The following NSMCE1 variants were observed in gnomAD, a reference collection of about 807,000 sequenced individuals.
The protein encoded by NSMCE1 is NSE1 component of SMC5/6 complex.
Under a neutral mutation model 29.6 loss-of-function variants are expected in NSMCE1, and 18 were observed. The observed-to-expected ratio is 0.61, with a 90% CI of 0.42 to 0.90. The LOEUF is 0.90. Ranked by LOEUF, NSMCE1 falls within the 40% of genes least tolerant of loss-of-function variation. NSMCE1 has a pLI of 0.00. For missense variants in NSMCE1, 314 were observed against 343.6 expected (o/e 0.91, Z 0.68); for synonymous variants, 124 against 133.4 (o/e 0.93, Z 0.49).
chr16:27,244,610 C>T (rs1317920980), intron 2 of NSMCE1, among the ~76,000 whole-genome samples: 1 of 152,212 alleles, frequency 6.6e-6, no homozygotes, highest in Non-Finnish European at 1.5e-5. Flanking sequence ...CATATCTCTG[C>T]AGGGCTGCCC....
At chr16:27,227,298 CCAACT>C (rs777377670) in intron 5 of NSMCE1, among the ~76,000 whole-genome samples, 83 of 152,370 alleles carry the variant, frequency 5.4e-4, no homozygotes, top group Admixed American at 2.0e-3. Flanking sequence ...ACTTCTGCCT[CCAACT>C]GCAGTAGGGA....
intron 1 of NSMCE1, among the ~76,000 whole-genome samples, chr16:27,265,161 C>CTTTTTTTTTTTTTTTTTTTTTTTTTTTTT (rs5816427): frequency 1.2e-5 from 1 of 82,672 alleles, no homozygotes; most frequent in African/African-American, 4.8e-5. Context: ...AATTCTTTTC[C>CTTTTTTTTTTTTTTTTTTTTTTTTTTTTT]TTTTTTTTTT....
At chr16:27,238,036 G>A (rs1455165442) in intron 2 of NSMCE1, among the ~76,000 whole-genome samples, 2 of 152,068 alleles carry the variant, frequency 1.3e-5, no homozygotes, top group Non-Finnish European at 2.9e-5. Context: ...CGGAGGCCCC[G>A]CGCCCTTGCA....
At chr16:27,250,955 C>T (rs1373597354) in intron 2 of NSMCE1, among the ~76,000 whole-genome samples, 1 of 144,876 alleles carries the variant, frequency 6.9e-6, no homozygotes, top group Non-Finnish European at 1.5e-5. Flanking sequence ...AATTCTCCTG[C>T]CTCGGCCTCC....
intron 5 of NSMCE1, among the ~76,000 whole-genome samples, chr16:27,229,168 C>T (rs771370841): frequency 5.3e-5 from 8 of 152,370 alleles, no homozygotes; most frequent in Non-Finnish European, 8.8e-5. Flanking sequence ...TTCTTGAGTG[C>T]ACCTGCTGGC....
chr16:27,245,034 C>T lies in NSMCE1; in HGVS notation c.137-9735G>A, dbSNP rs149558885. On this transcript the variant is annotated intron_variant, in intron 2 of 7. Transcript: ENST00000361439. ...CCATGGGTCTTCTGATAGTCACCCCCCACCACTCACCCCCAGCAATTGGGA... is the reference window on the plus strand; with the variant it reads ...CCATGGGTCTTCTGATAGTCACCCCTCACCACTCACCCCCAGCAATTGGGA... Among the ~76,000 whole-genome samples the T allele has an allele frequency of 5.7e-3, 862 of 152,290 alleles. 2 individuals are homozygous for T. The highest frequency in any genetic ancestry group is 9.0e-3 in the Non-Finnish European group (611 of 68,030).
At chr16:27,225,897 C>G in intron 6 of NSMCE1, 51 bp from the exon 7 acceptor site, 1 of 1,605,696 alleles carries the variant, frequency 6.2e-7, no homozygotes, top group Non-Finnish European at 8.5e-7. Flanking sequence ...CCTCCATGTT[C>G]TGCAAACCTC....
rs55762579 is a variant in NSMCE1, at chr16:27,260,858, C to CAAA, written c.-11-3280_-11-3278dup. On this transcript the variant is annotated intron_variant, in intron 1 of 7. Coordinates refer to ENST00000361439, the MANE Select transcript of NSMCE1 (RefSeq NM_145080.4). ...TGGGCAACAGAGTGAGACCCTGTCT[C>CAAA]AAAAAAAAAAAAAAAAAGGTTGCGG... 5.7e-5 allele frequency among the ~76,000 whole-genome samples: 5 copies of CAAA among 87,972 alleles called. No homozygotes were observed. The East Asian group carries it at 1.8e-3, about 32-fold the overall frequency. The allele number at this position is 87,972 out of a possible 152,430, so 57.7% of individuals were successfully genotyped here.
intron 2 of NSMCE1, among the ~76,000 whole-genome samples, chr16:27,235,898 A>T (rs2083817877): frequency 6.6e-6 from 1 of 152,224 alleles, no homozygotes; most frequent in African/African-American, 2.4e-5. Flanking sequence ...CTCAGCATGG[A>T]GAGGCCCTGT....
intron 5 of NSMCE1, among the ~76,000 whole-genome samples, chr16:27,230,005 C>T (rs1008425264): frequency 5.3e-5 from 8 of 152,230 alleles, no homozygotes; most frequent in African/African-American, 1.2e-4. Context: ...CCCTCAAAGA[C>T]GACGACAGCC....
Position 27,225,038 on chromosome 16 carries a change from G to T in NSMCE1, c.*119C>A, listed in dbSNP as rs2083671634. ...GGTTTATTCCAAAGCTGTGGACGGTGAACATTAAGACGAAAGAGGTGACTC... is the reference window on the plus strand; with the variant it reads ...GGTTTATTCCAAAGCTGTGGACGGTTAACATTAAGACGAAAGAGGTGACTC... On this transcript the variant is annotated 3_prime_UTR_variant, in exon 8 of 8. Transcript: ENST00000361439. 1.5e-6 allele frequency: 1 copy of T among 657,390 alleles called. No homozygotes were observed. Among genetic ancestry groups the T allele is most frequent in the Non-Finnish European group, 2.7e-6 (1 of 363,792 alleles). 40.7% of individuals were successfully genotyped at this position (657,390 alleles called of 1,614,324 possible).
intron 2 of NSMCE1, among the ~76,000 whole-genome samples, chr16:27,238,200 G>A (rs1235547669): frequency 6.6e-6 from 1 of 152,168 alleles, no homozygotes; most frequent in African/African-American, 2.4e-5. Flanking sequence ...CTCCCGCTCT[G>A]TGGGGCCCTG....
Position 27,232,457 on chromosome 16 carries a change from G to C in NSMCE1, c.483+544C>G, listed in dbSNP as rs866433036. 5.9e-4 allele frequency among the ~76,000 whole-genome samples: 90 copies of C among 152,306 alleles called. 1 individual carries two copies. Among genetic ancestry groups the C allele is most frequent in the African/African-American group, 1.7e-3 (71 of 41,562 alleles). ...TATGCCTCTTCTAAGCACTGGCCCTGAGGAACTCACTGCTGACAAAAACAA... is the reference window on the plus strand; with the variant it reads ...TATGCCTCTTCTAAGCACTGGCCCTCAGGAACTCACTGCTGACAAAAACAA... On this transcript the variant is annotated intron_variant, in intron 5 of 7. Transcript: ENST00000361439. The surrounding 1 kb of genome is among the most constrained non-coding windows in gnomAD (Gnocchi z 4.5).
chr16:27,241,736 A>G, intron 2 of NSMCE1: 1 of 352,480 alleles, frequency 2.8e-6, no homozygotes, highest in Non-Finnish European at 5.8e-6. Context: ...TCACTTAGTG[A>G]CGAACCGTCC....
intron 2 of NSMCE1, among the ~76,000 whole-genome samples, chr16:27,239,203 G>A (rs1029190342): frequency 2.6e-5 from 4 of 152,080 alleles, no homozygotes; most frequent in Non-Finnish European, 5.9e-5. Flanking sequence ...ACCAGAACTG[G>A]GGTCTCTTGC....
chr16:27,230,950 G>A (rs1432746350), intron 5 of NSMCE1: 1 of 152,542 alleles, frequency 6.6e-6, no homozygotes, highest in Non-Finnish European at 1.5e-5. Context: ...CAGACACCAA[G>A]GGCAGACAAA....
At chr16:27,252,792 G>A (rs1050414955) in intron 2 of NSMCE1, among the ~76,000 whole-genome samples, 21 of 152,080 alleles carry the variant, frequency 1.4e-4, no homozygotes, top group Non-Finnish European at 2.9e-4. Flanking sequence ...GGTGGCTCAC[G>A]CCTGTAGTCC....
chr16:27,237,936 C>T (rs1408261953), intron 2 of NSMCE1, among the ~76,000 whole-genome samples: 1 of 152,192 alleles, frequency 6.6e-6, no homozygotes, highest in Non-Finnish European at 1.5e-5. Flanking sequence ...CGCTCCCGTT[C>T]TCTCCGCTAT....
intron 2 of NSMCE1, chr16:27,241,830 G>A (rs972752279): frequency 1.8e-5 from 8 of 455,226 alleles, no homozygotes; most frequent in Non-Finnish European, 3.1e-5. Flanking sequence ...CCAATGCAGA[G>A]GCGAGCCAGA....
Sources: gnomAD v4.1 joint callset for allele counts (sites outside exome capture counted in the v4.1 genomes callset) on GRCh38, gnomAD v4.1.1 for gene constraint, Gnocchi (gnomAD v3.1) non-coding constraint, MANE v1.5 for transcripts, NCBI Gene and HGNC (gene_info 2026-07-23, HGNC 2026-07-21) for gene names.